Variants in UBN2 observed in about 807,000 individuals in gnomAD.
UBN2 encodes ubinuclein-2.
A neutral mutation model predicts 120.2 loss-of-function variants in UBN2; 35 were observed. The observed-to-expected ratio is 0.29, with a 90% confidence interval of 0.22 to 0.39. The LOEUF is 0.39. UBN2 is among the 10% of genes least tolerant of loss of function. The pLI is 1.00. For synonymous variants in UBN2, 661 were observed against 648.7 expected (o/e 1.02, Z -0.29); for missense variants, 1,693 against 1,663.2 (o/e 1.02, Z -0.31).
chr7:139,329,975 G>A, the UBN2 span, among the ~76,000 whole-genome samples: 511 of 152,150 alleles, frequency 3.4e-3, 2 homozygotes, highest in African/African-American at 0.012. Context: ...CTAGCTTTGG[G>A]GTCAGATAGT....
At chr7:139,237,545 C>G (rs1018188651) in intron 2 of UBN2, among the ~76,000 whole-genome samples, 6 of 152,122 alleles carry the variant, frequency 3.9e-5, no homozygotes, top group African/African-American at 1.4e-4. Context: ...ATCCATCCTG[C>G]CAAGTAGCCA....
chr7:139,301,696 T>C lies in UBN2; in HGVS notation c.*3860T>C, dbSNP rs1190908305. ...GGAATTTGTTTGCTTTTTTTTTGTTTGTTTTTTGTTTTGTTTCTGTTTTTG... is the reference window on the plus strand; with the variant it reads ...GGAATTTGTTTGCTTTTTTTTTGTTCGTTTTTTGTTTTGTTTCTGTTTTTG... On this transcript the variant is annotated 3_prime_UTR_variant, in exon 18 of 18. Coordinates refer to ENST00000473989, the MANE Select transcript of UBN2 (RefSeq NM_173569.4). 6.6e-6 allele frequency: 1 copy of C among 152,144 alleles called. No homozygotes were observed. The highest frequency in any genetic ancestry group is 1.5e-5 in the Non-Finnish European group (1 of 68,020). 9.4% of individuals were successfully genotyped at this position (152,144 alleles called of 1,614,324 possible). A position where few individuals can be genotyped will look rare whatever the true frequency, so the allele number is the denominator to read the frequency against.
chr7:139,276,352 A>T (rs1204074818), intron 12 of UBN2: 1 of 543,302 alleles, frequency 1.8e-6, no homozygotes, highest in Non-Finnish European at 3.3e-6. Flanking sequence ...ACTGTGACAC[A>T]TAATGGCCTG....
chr7:139,309,488 A>G (rs1563236321), downstream of UBN2, among the ~76,000 whole-genome samples: 3 of 152,234 alleles, frequency 2.0e-5, no homozygotes, highest in South Asian at 6.2e-4. Context: ...TAATTTAACT[A>G]TACTTAACTG....
chr7:139,287,610 TC>T (rs1797826705), intron 15 of UBN2, among the ~76,000 whole-genome samples: 1 of 152,012 alleles, frequency 6.6e-6, no homozygotes, highest in Non-Finnish European at 1.5e-5. Flanking sequence ...CTGGTTTTCT[TC>T]CTCTCCCAAA....
At chr7:139,241,312 C>T (rs1306320097) in intron 2 of UBN2, among the ~76,000 whole-genome samples, 1 of 152,140 alleles carries the variant, frequency 6.6e-6, no homozygotes, top group Non-Finnish European at 1.5e-5. Context: ...ATGAAAGCAC[C>T]TAACACAATA....
intron 1 of UBN2, among the ~76,000 whole-genome samples, chr7:139,235,792 C>T (rs988556183): frequency 6.6e-6 from 1 of 152,180 alleles, no homozygotes; most frequent in Non-Finnish European, 1.5e-5. Context: ...TTAAAGTTAA[C>T]TCCTTTAAAG....
At position 139,283,096 on chromosome 7, in the gene UBN2, T is replaced by A. The variant is rs766440666; in HGVS notation, c.2191T>A (p.Ser731Thr). The A allele has an allele frequency of 6.2e-7, 1 of 1,612,944 alleles. No individual in the cohort carries two copies. Among genetic ancestry groups the A allele is most frequent in the Non-Finnish European group, 8.5e-7 (1 of 1,179,910 alleles). Residue 731 changes from serine to threonine, a missense_variant, in exon 15 of 18, where the codon TCC becomes ACC. Around this residue, in one of 5 missense-constraint regions of UBN2, gnomAD observed 837 missense variants for 817.6 expected, o/e 1.02. Coordinates refer to ENST00000473989, the MANE Select transcript of UBN2 (RefSeq NM_173569.4). ...TTCGGTTAGCGGTCCTCCAACGAGC[T>A]CCAGCACAGCTGCCATTGCTGCAGC... ...VASVSGPPTS[S>T]STAAIAAASS...
At chr7:139,272,652 A>G (rs1797316570) in intron 9 of UBN2, among the ~76,000 whole-genome samples, 1 of 151,972 alleles carries the variant, frequency 6.6e-6, no homozygotes, top group Non-Finnish European at 1.5e-5. Flanking sequence ...TCAGCCTCAC[A>G]AGTAGCTGGG....
chr7:139,234,713 C>G (rs1276027926), intron 1 of UBN2, among the ~76,000 whole-genome samples: 1 of 152,176 alleles, frequency 6.6e-6, no homozygotes, highest in East Asian at 1.9e-4. Context: ...CCAGAAAAAT[C>G]AGTTAACCAG....
intron 6 of UBN2, among the ~76,000 whole-genome samples, chr7:139,264,217 C>G (rs751103669): frequency 6.6e-6 from 1 of 152,174 alleles, no homozygotes; most frequent in Non-Finnish European, 1.5e-5. Context: ...TATTACTTTA[C>G]TTATTCACTA....
chr7:139,245,734 G>A (rs1184561005), intron 2 of UBN2, among the ~76,000 whole-genome samples: 1 of 152,194 alleles, frequency 6.6e-6, no homozygotes, highest in African/African-American at 2.4e-5. Context: ...AAAGCATCCT[G>A]GAGAAAAGAT....
chr7:139,232,113 C>T (rs1796038313), intron 1 of UBN2, among the ~76,000 whole-genome samples, 161 bp downstream of exon 1: 1 of 152,154 alleles, frequency 6.6e-6, no homozygotes, highest in African/African-American at 2.4e-5. Context: ...GGGCGGTGAG[C>T]GCTGCTTTCT....
intron 2 of UBN2, among the ~76,000 whole-genome samples, chr7:139,250,439 G>T (rs939550715): frequency 1.3e-5 from 2 of 151,798 alleles, no homozygotes; most frequent in Non-Finnish European, 1.5e-5. Context: ...CCGTCATTTT[G>T]GCCAGGCTGG....
intron 15 of UBN2, among the ~76,000 whole-genome samples, chr7:139,285,614 A>G (rs192636752): frequency 6.6e-6 from 1 of 152,194 alleles, no homozygotes; most frequent in Non-Finnish European, 1.5e-5. Flanking sequence ...TACCTAGAAC[A>G]TAGTAATAGC....
chr7:139,232,040 A>C, intron 1 of UBN2, 88 bp downstream of exon 1: 1 of 1,344,638 alleles, frequency 7.4e-7, no homozygotes, highest in Non-Finnish European at 1.0e-6. Context: ...TGGGACGCCC[A>C]CCGAGCGCGT....
rs1186865699 is a variant in UBN2 at position 139,301,279 on chromosome 7, C to T, written c.*3443C>T. The stretch of plus-strand genomic sequence containing the variant: ...AACCCAGGATATTTTTTTCCCAAAG[C>T]AGATCTAAATTGTTTACTACCCAGG... On this transcript the variant is annotated 3_prime_UTR_variant, in exon 18 of 18. Coordinates refer to ENST00000473989, the MANE Select transcript of UBN2 (RefSeq NM_173569.4). 1 of 152,100 alleles carries T rather than the reference C, an allele frequency of 6.6e-6. No individual in the cohort carries two copies. The highest frequency in any genetic ancestry group is 1.5e-5 in the Non-Finnish European group (1 of 68,008). 9.4% of individuals were successfully genotyped at this position (152,100 alleles called of 1,614,324 possible).
the UBN2 span, among the ~76,000 whole-genome samples, chr7:139,320,323 G>A: frequency 3.3e-5 from 5 of 151,590 alleles, no homozygotes; most frequent in Admixed American, 1.3e-4. Flanking sequence ...TTAGCCCGGC[G>A]TGGTGGCAGG....
chr7:139,266,624 C>T (rs758087241), intron 7 of UBN2, among the ~76,000 whole-genome samples: 1 of 152,166 alleles, frequency 6.6e-6, no homozygotes, highest in Non-Finnish European at 1.5e-5. Flanking sequence ...ATAGTTACAA[C>T]TGCCAGAGCA....
Sources: allele counts gnomAD v4.1 joint callset (sites outside exome capture counted in the v4.1 genomes callset), GRCh38; gene constraint gnomAD v4.1.1; regional missense constraint gnomAD v4.1.1; transcripts MANE v1.5; gene names NCBI Gene and HGNC (gene_info 2026-07-23, HGNC 2026-07-21).